Variants in SPSB4 observed in about 807,000 individuals in gnomAD.
SPSB4 encodes SPRY domain-containing SOCS box protein 4.
SPSB4 carries 21 observed loss-of-function variants against 20.9 expected under a neutral mutation model. The ratio of observed to expected loss-of-function variants is 1.01; its 90% CI spans 0.71 to 1.45. The LOEUF is 1.45. Ranked by LOEUF, SPSB4 falls within the 40% of genes most tolerant of loss-of-function variation. The pLI is 0.00. For synonymous variants in SPSB4, 207 were observed against 183.8 expected (o/e 1.13, Z -1.02); for missense variants, 399 against 399.2 (o/e 1.00, Z 0.00).
chr3:141,141,464 T>C (rs1273973878), intron 2 of SPSB4, among the ~76,000 whole-genome samples: 2 of 152,200 alleles, frequency 1.3e-5, no homozygotes, highest in Non-Finnish European at 2.9e-5. Context: ...TATTCGGCCA[T>C]CTTGGCTCCA....
At chr3:141,068,663 T>C (rs995819181) in intron 2 of SPSB4, among the ~76,000 whole-genome samples, 2 of 152,224 alleles carry the variant, frequency 1.3e-5, no homozygotes, top group African/African-American at 2.4e-5. Context: ...CTGTAAGCTC[T>C]TGTGTGGTAG....
intron 2 of SPSB4, among the ~76,000 whole-genome samples, chr3:141,135,404 G>C (rs1939210002): frequency 6.6e-6 from 1 of 151,418 alleles, no homozygotes; most frequent in Admixed American, 6.6e-5. Flanking sequence ...GTGCAGGTTT[G>C]TTACATATGT....
chr3:141,144,154 C>T (rs76848247), intron 2 of SPSB4, among the ~76,000 whole-genome samples: 1,960 of 152,322 alleles, frequency 0.013, 26 homozygotes, highest in Non-Finnish European at 0.021. Context: ...TATCAGACGT[C>T]TTCATCACTC....
At chr3:141,061,577 A>G (rs1257337782) in intron 1 of SPSB4, among the ~76,000 whole-genome samples, 1 of 151,920 alleles carries the variant, frequency 6.6e-6, no homozygotes, top group East Asian at 1.9e-4. Flanking sequence ...ATCACAACTA[A>G]TGAACCAGTA....
chr3:141,071,683 C>T (rs1462416029), intron 2 of SPSB4, among the ~76,000 whole-genome samples: 1 of 152,154 alleles, frequency 6.6e-6, no homozygotes, highest in African/African-American at 2.4e-5. Context: ...CTGAGCATGG[C>T]CTGACCCCAC....
chr3:141,121,434 A>G (rs1938965005), intron 2 of SPSB4, among the ~76,000 whole-genome samples: 1 of 152,074 alleles, frequency 6.6e-6, no homozygotes, highest in African/African-American at 2.4e-5. Flanking sequence ...TATTCTCTGT[A>G]TTTCCTGAAT....
intron 2 of SPSB4, among the ~76,000 whole-genome samples, chr3:141,146,571 C>G (rs138389161): frequency 2.6e-5 from 4 of 152,084 alleles, no homozygotes; most frequent in African/African-American, 9.7e-5. Flanking sequence ...GTCAGGAGAT[C>G]GAGACCATCC....
At chr3:141,112,986 C>G (rs1938827612) in intron 2 of SPSB4, among the ~76,000 whole-genome samples, 1 of 152,182 alleles carries the variant, frequency 6.6e-6, no homozygotes, top group African/African-American at 2.4e-5. Context: ...GACAGAGCCC[C>G]TCCAGGTTAC....
intron 2 of SPSB4, among the ~76,000 whole-genome samples, chr3:141,138,206 C>A (rs1172252820): frequency 6.6e-6 from 1 of 152,104 alleles, no homozygotes; most frequent in Non-Finnish European, 1.5e-5. Context: ...ATTATTGCAT[C>A]TATTTGATTC....
At chr3:141,064,588 C>T (rs990982186) in intron 1 of SPSB4, among the ~76,000 whole-genome samples, 20 of 152,206 alleles carry the variant, frequency 1.3e-4, no homozygotes, top group Admixed American at 5.9e-4. Context: ...GAGTTCTTTT[C>T]GTCCCTACCT....
intron 2 of SPSB4, among the ~76,000 whole-genome samples, chr3:141,079,406 T>A (rs1242807230): frequency 6.6e-6 from 1 of 152,116 alleles, no homozygotes; most frequent in East Asian, 1.9e-4. Context: ...CCTGAGAAAT[T>A]TCCAGTTAGC....
intron 2 of SPSB4, among the ~76,000 whole-genome samples, chr3:141,134,030 C>CTTTTTTTTTTTTT (rs1207127072): frequency 2.2e-3 from 81 of 37,668 alleles, no homozygotes; most frequent in Non-Finnish European, 3.3e-3. Flanking sequence ...TTTTTTTTTT[C>CTTTTTTTTTTTTT]TTTTCTTTTT....
intron 2 of SPSB4, among the ~76,000 whole-genome samples, chr3:141,114,199 G>T (rs900318432): frequency 2.0e-5 from 3 of 152,210 alleles, no homozygotes; most frequent in African/African-American, 7.2e-5. Context: ...CAACAGGTCA[G>T]CTGTGTTCAT....
At chr3:141,069,714 A>G (rs1937959833) in intron 2 of SPSB4, among the ~76,000 whole-genome samples, 1 of 152,170 alleles carries the variant, frequency 6.6e-6, no homozygotes, top group South Asian at 2.1e-4. Context: ...CCTTTGAAAA[A>G]GGATGAGGAT....
intron 2 of SPSB4, chr3:141,124,059 T>C (rs1341165699): frequency 2.6e-5 from 4 of 152,284 alleles, no homozygotes; most frequent in East Asian, 1.9e-4. Context: ...ATGAAAGAGC[T>C]ACTTTTTATT....
intron 2 of SPSB4, among the ~76,000 whole-genome samples, chr3:141,116,420 G>C (rs1370135373): frequency 6.6e-6 from 1 of 152,246 alleles, no homozygotes; most frequent in African/African-American, 2.4e-5. Context: ...AGGGCTGAGG[G>C]TCAGGGCCAT....
chr3:141,108,551 T>G (rs1210032529), intron 2 of SPSB4, among the ~76,000 whole-genome samples: 2 of 152,216 alleles, frequency 1.3e-5, no homozygotes, highest in Non-Finnish European at 2.9e-5. Flanking sequence ...CTCTCAGAGA[T>G]GGAGAACATT....
chr3:141,084,890 C>T (rs1938312196), intron 2 of SPSB4, among the ~76,000 whole-genome samples: 1 of 152,234 alleles, frequency 6.6e-6, no homozygotes, highest in Admixed American at 6.5e-5. Flanking sequence ...GAAGATCAGA[C>T]ACTGCCCTTG....
intron 2 of SPSB4, among the ~76,000 whole-genome samples, chr3:141,109,440 C>T (rs1938757814): frequency 6.6e-6 from 1 of 152,054 alleles, no homozygotes; most frequent in African/African-American, 2.4e-5. Context: ...AGGGACTGAG[C>T]CAGGCCTGAA....
Sources: gnomAD v4.1 joint callset for allele counts (sites outside exome capture counted in the v4.1 genomes callset) on GRCh38, gnomAD v4.1.1 for gene constraint, MANE v1.5 for transcripts, NCBI Gene and HGNC (gene_info 2026-07-23, HGNC 2026-07-21) for gene names.